Variants in GHR observed in about 807,000 individuals in gnomAD.
The protein encoded by GHR is growth hormone receptor, also known as GH receptor.
GHR carries 35 observed loss-of-function variants against 67.1 expected under a neutral mutation model. The ratio of observed to expected loss-of-function variants is 0.52; its 90% CI spans 0.40 to 0.69. The LOEUF (loss-of-function observed/expected upper bound fraction) is 0.69, where lower values mean the gene tolerates loss of function less well. GHR is among the 30% of genes least tolerant of loss of function. The probability of loss-of-function intolerance (pLI) is 0.00; values close to 1 mark genes in which losing one functional copy is unlikely to be tolerated. For missense variants in GHR, 792 were observed against 764.6 expected (o/e 1.04, Z -0.42); for synonymous variants, 272 against 269.1 (o/e 1.01, Z -0.10).
intron 3 of GHR, among the ~76,000 whole-genome samples, chr5:42,671,159 T>C (rs1756272974): frequency 6.6e-6 from 1 of 152,156 alleles, no homozygotes; most frequent in Non-Finnish European, 1.5e-5. Flanking sequence ...AACAAAGGCT[T>C]AATTTGTTCA....
At chr5:42,643,770 G>A (rs1754596247) in intron 3 of GHR, among the ~76,000 whole-genome samples, 1 of 151,406 alleles carries the variant, frequency 6.6e-6, no homozygotes, top group African/African-American at 2.4e-5. Context: ...AGGGAGAAGT[G>A]ACTTAATCAT....
rs70991423 is a variant in GHR, at chr5:42,671,658, A to AC, written c.137-17230dup. 2.7e-5 allele frequency among the ~76,000 whole-genome samples: 4 copies of AC among 149,342 alleles called. No individual in the cohort carries two copies. In the East Asian group the frequency reaches 5.9e-4, roughly 22 times the overall value. ...CTTCATGTTAAAAAAAAAAAAAAAA[A>AC]CCTTAAGAAACTAGGCGGCCGGGCG... On this transcript the variant is annotated intron_variant, in intron 3 of 9. Coordinates refer to ENST00000230882, the MANE Select transcript of GHR (RefSeq NM_000163.5).
At chr5:42,585,184 T>A (rs1163482912) in intron 2 of GHR, among the ~76,000 whole-genome samples, 1 of 152,116 alleles carries the variant, frequency 6.6e-6, no homozygotes, top group Non-Finnish European at 1.5e-5. Flanking sequence ...AAATAGCTAT[T>A]GGTAGGATCT....
intron 1 of GHR, among the ~76,000 whole-genome samples, chr5:42,426,094 T>C (rs1195661603): frequency 1.3e-5 from 2 of 152,246 alleles, no homozygotes; most frequent in East Asian, 3.8e-4. Flanking sequence ...AGAGGCCTCC[T>C]GTATGCTATC....
intron 1 of GHR, among the ~76,000 whole-genome samples, chr5:42,500,910 G>T (rs988126159): frequency 1.3e-5 from 2 of 152,226 alleles, no homozygotes; most frequent in African/African-American, 4.8e-5. Flanking sequence ...AAAGATGTGT[G>T]AGGTACGTTT....
chr5:42,437,049 C>T (rs528582469), intron 1 of GHR, among the ~76,000 whole-genome samples: 7 of 152,296 alleles, frequency 4.6e-5, no homozygotes, highest in African/African-American at 1.7e-4. Flanking sequence ...TCTAATAACA[C>T]AATCTATGTA....
intron 3 of GHR, among the ~76,000 whole-genome samples, chr5:42,631,228 T>C (rs1220981626): frequency 6.6e-6 from 1 of 152,132 alleles, no homozygotes; most frequent in Non-Finnish European, 1.5e-5. Flanking sequence ...TCATTTGGCA[T>C]ATGTTGATTT....
intron 3 of GHR, among the ~76,000 whole-genome samples, chr5:42,660,720 G>A (rs1251980154): frequency 6.6e-6 from 1 of 152,164 alleles, no homozygotes; most frequent in Non-Finnish European, 1.5e-5. Flanking sequence ...TCCTCCAAAG[G>A]AACGCAGTTC....
At chr5:42,617,549 G>C (rs1373179406) in intron 2 of GHR, among the ~76,000 whole-genome samples, 2 of 152,060 alleles carry the variant, frequency 1.3e-5, no homozygotes, top group African/African-American at 4.8e-5. Context: ...GAAGTTGTGT[G>C]GGAGTTCTGT....
At chr5:42,483,375 G>T (rs1259508777) in intron 1 of GHR, among the ~76,000 whole-genome samples, 1 of 151,866 alleles carries the variant, frequency 6.6e-6, no homozygotes, top group Admixed American at 6.6e-5. Flanking sequence ...TTAATTATCA[G>T]CTTGCAAATG....
chr5:42,695,232 A>G (rs1757617839), intron 5 of GHR, 143 bp downstream of exon 5: 1 of 696,536 alleles, frequency 1.4e-6, no homozygotes, highest in South Asian at 1.6e-5. Context: ...AGGAGATGGG[A>G]TCAGCTGGTG....
chr5:42,453,896 T>G (rs1245351857), intron 1 of GHR, among the ~76,000 whole-genome samples: 3 of 152,210 alleles, frequency 2.0e-5, no homozygotes, highest in Non-Finnish European at 4.4e-5. Flanking sequence ...CTACTGCACC[T>G]GGCACTGCAA....
chr5:42,464,710 C>T (rs1202949836), intron 1 of GHR, among the ~76,000 whole-genome samples: 5 of 152,086 alleles, frequency 3.3e-5, no homozygotes, highest in African/African-American at 1.2e-4. Context: ...CATCTTTAAC[C>T]CTAGGACATC....
At chr5:42,517,637 A>G (rs1256273984) in intron 1 of GHR, among the ~76,000 whole-genome samples, 3 of 152,156 alleles carry the variant, frequency 2.0e-5, no homozygotes, top group African/African-American at 7.2e-5. Flanking sequence ...GCAAGAAGTG[A>G]AGTATTTGGT....
intron 3 of GHR, among the ~76,000 whole-genome samples, chr5:42,638,229 A>T (rs1580103852): frequency 1.3e-5 from 2 of 152,196 alleles, no homozygotes; most frequent in Middle Eastern, 3.4e-3. Flanking sequence ...AGTATAATAT[A>T]GTATTTTAAG....
chr5:42,686,227 G>T (rs1757132487), intron 3 of GHR, among the ~76,000 whole-genome samples: 1 of 152,086 alleles, frequency 6.6e-6, no homozygotes, highest in Non-Finnish European at 1.5e-5. Context: ...GTTTTTGTCA[G>T]GTTTGTCAAA....
chr5:42,718,342 G>C, intron 9 of GHR, 111 bp from the exon 10 acceptor site: 1 of 835,908 alleles, frequency 1.2e-6, no homozygotes. Context: ...TATATGTTTT[G>C]TTACTGTTGT....
chr5:42,535,166 C>A (rs1486823128), intron 1 of GHR, among the ~76,000 whole-genome samples: 2 of 151,830 alleles, frequency 1.3e-5, no homozygotes, highest in Non-Finnish European at 2.9e-5. Context: ...TAGTTTAAGT[C>A]CCAACTATTT....
At chr5:42,673,801 T>TA (rs1283507161) in intron 3 of GHR, among the ~76,000 whole-genome samples, 1 of 152,056 alleles carries the variant, frequency 6.6e-6, no homozygotes, top group Non-Finnish European at 1.5e-5. Flanking sequence ...GAGAGAGGAC[T>TA]AAAAAACTAT....
Sources: allele counts gnomAD v4.1 joint callset (sites outside exome capture counted in the v4.1 genomes callset), GRCh38; gene constraint gnomAD v4.1.1; transcripts MANE v1.5; gene names NCBI Gene and HGNC (gene_info 2026-07-23, HGNC 2026-07-21).